WDPCP: variants seen among roughly 807,000 people sequenced by gnomAD.
WDPCP encodes WD repeat-containing and planar cell polarity effector protein fritz homolog.
WDPCP carries 71 observed loss-of-function variants against 93.1 expected under a neutral mutation model. The ratio of observed to expected loss-of-function variants is 0.76; its 90% CI spans 0.63 to 0.93. The LOEUF (loss-of-function observed/expected upper bound fraction) is 0.93. Ranked by LOEUF, WDPCP falls within the 40% of genes least tolerant of loss-of-function variation. The probability of loss-of-function intolerance (pLI) is 0.00; values close to 1 mark genes in which losing one functional copy is unlikely to be tolerated. For synonymous variants in WDPCP, 315 were observed against 315.0 expected, an observed-to-expected ratio of 1.00 and a Z score of 0.00; for missense variants, 844 against 887.4, an observed-to-expected ratio of 0.95 and a Z score of 0.62.
chr2:63,807,929 A>G (rs1345277439), intron 2 of WDPCP, among the ~76,000 whole-genome samples: 2 of 152,242 alleles, frequency 1.3e-5, no homozygotes, highest in African/African-American at 4.8e-5. Flanking sequence ...GTTTACAAGT[A>G]TCTTATGGAA....
In WDPCP at chr2:63,153,659, T is replaced by C. The variant is rs1672033161; in HGVS notation, c.2079-85A>G. ...GGTATAAGTTATAGATTTTAAAGTA[T>C]TAAAATATTTTAAAGTTTCTGGGTT... On this transcript the variant is annotated intron_variant, in intron 15 of 17. Coordinates refer to ENST00000272321, the MANE Select transcript of WDPCP (RefSeq NM_015910.7). 3 of 845,712 alleles carry C rather than the reference T, an allele frequency of 3.5e-6. No homozygotes were observed. The South Asian group carries it at 6.9e-5, about 20-fold the overall frequency. The allele number at this position is 845,712 out of a possible 1,614,324, so 52.4% of individuals were successfully genotyped here. A position where few individuals can be genotyped will look rare whatever the true frequency, so the allele number is the denominator to read the frequency against.
chr2:63,380,681 C>A (rs1692227996), intron 11 of WDPCP, among the ~76,000 whole-genome samples: 1 of 152,078 alleles, frequency 6.6e-6, no homozygotes. Flanking sequence ...AGAGATCATG[C>A]CACTGCATGC....
intron 15 of WDPCP, among the ~76,000 whole-genome samples, chr2:63,167,042 T>C (rs763872341): frequency 9.9e-5 from 15 of 152,212 alleles, no homozygotes; most frequent in Non-Finnish European, 1.9e-4. Flanking sequence ...AGTGAGAACA[T>C]GTGAAGTTTG....
chr2:63,732,313 T>C (rs566668121), intron 2 of WDPCP, among the ~76,000 whole-genome samples: 130 of 152,366 alleles, frequency 8.5e-4, no homozygotes, highest in Non-Finnish European at 1.4e-3. Flanking sequence ...ACTAGGCTTA[T>C]GCCCCAAGAT....
rs1211876567 is a variant in WDPCP, at chr2:63,200,977, A to G, written c.1916-26145T>C. On this transcript the variant is annotated intron_variant, in intron 14 of 17. Coordinates refer to ENST00000272321, the MANE Select transcript of WDPCP (RefSeq NM_015910.7). ...TATGGGAGGGGCCAGGGGCTAAATG[A>G]TATGGTTTGGGTCTGTGTCATCACC... Among the ~76,000 whole-genome samples the G allele has an allele frequency of 3.3e-5, 5 of 152,030 alleles. 1 individual carries two copies. The highest frequency in any genetic ancestry group is 3.3e-4 in the Admixed American group (5 of 15,258).
chr2:63,675,984 T>C (rs1710399336), intron 2 of WDPCP, among the ~76,000 whole-genome samples: 1 of 152,188 alleles, frequency 6.6e-6, no homozygotes, highest in Non-Finnish European at 1.5e-5. Context: ...ACGATTACTT[T>C]CCCTTTGGTC....
intron 16 of WDPCP, 115 bp downstream of exon 16, chr2:63,153,380 C>G: frequency 1.3e-6 from 1 of 770,910 alleles, no homozygotes; most frequent in Admixed American, 2.7e-5. Context: ...AGTCTTATAC[C>G]AACTAGAAAT....
At chr2:63,527,942 G>C (rs1441362109) in intron 1 of WDPCP, among the ~76,000 whole-genome samples, 1 of 151,992 alleles carries the variant, frequency 6.6e-6, no homozygotes, top group African/African-American at 2.4e-5. Flanking sequence ...TCTCATTGTG[G>C]TTTTGATTTG....
At chr2:63,165,877 T>TTTG (rs1173305211) in intron 15 of WDPCP, among the ~76,000 whole-genome samples, 1 of 151,848 alleles carries the variant, frequency 6.6e-6, no homozygotes, top group East Asian at 1.9e-4. Context: ...GTTGGTCCAT[T>TTTG]TTGTTGTTTC....
At chr2:63,512,054 A>T (rs1425816541) in intron 1 of WDPCP, among the ~76,000 whole-genome samples, 2 of 152,244 alleles carry the variant, frequency 1.3e-5, no homozygotes, top group African/African-American at 2.4e-5. Flanking sequence ...ACAAGAAAAA[A>T]GTAACCCCAT....
chr2:63,621,125 A>C (rs1015527705), intron 3 of WDPCP, among the ~76,000 whole-genome samples: 1 of 152,146 alleles, frequency 6.6e-6, no homozygotes, highest in South Asian at 2.1e-4. Context: ...CCAAAGGATC[A>C]CAACTCCTCA....
At chr2:63,802,281 TAAAAAA>T (rs58717654) in intron 2 of WDPCP, among the ~76,000 whole-genome samples, 1,305 of 53,210 alleles carry the variant, frequency 0.025, no homozygotes, top group African/African-American at 0.03. Flanking sequence ...CCCTCTCTCT[TAAAAAA>T]AAAAAAAAAA....
chr2:63,500,931 G>A (rs1421733302), intron 1 of WDPCP, among the ~76,000 whole-genome samples: 2 of 152,088 alleles, frequency 1.3e-5, no homozygotes, highest in African/African-American at 4.8e-5. Context: ...AGCTTCTAAT[G>A]TTAATATTAA....
At chr2:63,677,131 T>G (rs1710412056) in intron 2 of WDPCP, among the ~76,000 whole-genome samples, 1 of 152,218 alleles carries the variant, frequency 6.6e-6, no homozygotes. Flanking sequence ...TGTGTGGTTC[T>G]AATGTGCAAC....
At chr2:63,834,014 A>G in the WDPCP span, among the ~76,000 whole-genome samples, 3 of 152,184 alleles carry the variant, frequency 2.0e-5, no homozygotes, top group African/African-American at 4.8e-5. Context: ...ATAATTATCA[A>G]TGTGGTTTTA....
chr2:63,422,115 C>T (rs1020026364), intron 9 of WDPCP, among the ~76,000 whole-genome samples: 4 of 152,276 alleles, frequency 2.6e-5, no homozygotes, highest in East Asian at 1.9e-4. Flanking sequence ...CTGACTCAGG[C>T]GTAAAATACC....
intron 2 of WDPCP, among the ~76,000 whole-genome samples, chr2:63,742,873 G>A (rs1669744195): frequency 6.6e-6 from 1 of 151,518 alleles, no homozygotes; most frequent in Non-Finnish European, 1.5e-5. Flanking sequence ...AGCCTGTAAA[G>A]AATTTAAGGG....
intron 13 of WDPCP, among the ~76,000 whole-genome samples, chr2:63,311,769 G>A (rs991571276): frequency 6.6e-6 from 1 of 152,126 alleles, no homozygotes; most frequent in Non-Finnish European, 1.5e-5. Context: ...AGTTTAGAAG[G>A]TGCCTTTCGT....
intron 2 of WDPCP, among the ~76,000 whole-genome samples, chr2:63,746,101 T>C (rs981525237): frequency 1.8e-4 from 28 of 152,314 alleles, no homozygotes; most frequent in African/African-American, 6.5e-4. Context: ...GCTGAAGCCA[T>C]GGCAGAAGAA....
Sources: allele counts gnomAD v4.1 joint callset (sites outside exome capture counted in the v4.1 genomes callset), GRCh38; gene constraint gnomAD v4.1.1; transcripts MANE v1.5; gene names NCBI Gene and HGNC (gene_info 2026-07-23, HGNC 2026-07-21).